ZNF469: variants seen among roughly 807,000 people sequenced by gnomAD.
The protein encoded by ZNF469 is zinc finger protein 469.
ZNF469 carries 1 observed loss-of-function variant against 1.0 expected under a neutral mutation model. That is an observed-to-expected ratio of 1.00 (90% CI 0.35 to 4.73). The LOEUF (loss-of-function observed/expected upper bound fraction) is 4.73, where lower values mean the gene tolerates loss of function less well. ZNF469 is among the 30% of genes most tolerant of loss of function. The probability of loss-of-function intolerance (pLI) is 0.16; values close to 1 mark genes in which losing one functional copy is unlikely to be tolerated. For synonymous variants in ZNF469, 2,703 were observed against 2,363.4 expected, an observed-to-expected ratio of 1.14 and a Z score of -4.17; for missense variants, 6,100 against 5,356.3, an observed-to-expected ratio of 1.14 and a Z score of -4.33.
At chr16:88,318,988 C>G in the ZNF469 span, among the ~76,000 whole-genome samples, 1 of 152,216 alleles carries the variant, frequency 6.6e-6, no homozygotes, top group Admixed American at 6.5e-5. Context: ...ACCTGGGGGT[C>G]AGGACCAGAC....
rs1906812558 is a variant in ZNF469, at chr16:88,439,014, T to C, written c.11544T>C (p.Pro3848=). The C allele has an allele frequency of 4.6e-6, 7 of 1,535,906 alleles. No homozygotes were observed. In the East Asian group the frequency reaches 1.7e-4, roughly 38 times the overall value. ...PSAPDKPPRT[P]RKQATPSRVL... ...CCCCTGACAAGCCCCCCCGGACCCC[T>C]CGGAAGCAGGCAACTCCCAGCCGCG... is the stretch of plus-strand genomic sequence containing the variant. Residue 3848 remains proline, a synonymous_variant, in exon 3 of 3, where the codon CCT becomes CCC. Transcript: ENST00000565624.
chr16:88,437,938 A>G lies in ZNF469; in HGVS notation c.10468A>G (p.Arg3490Gly). The G allele has an allele frequency of 1.3e-6, 2 of 1,542,046 alleles. No individual in the cohort carries two copies. The highest frequency in any genetic ancestry group is 1.7e-6 in the Non-Finnish European group (2 of 1,143,320). Reference sequence around the variant, plus strand: ...CAGTGCCCCTGGGCCCGGCGAGGACAGGCCTCCTCCCCGGGGAAGCAGCCC... The same window carrying G: ...CAGTGCCCCTGGGCCCGGCGAGGACGGGCCTCCTCCCCGGGGAAGCAGCCC... ...PGSAPGPGED[R>G]PPPRGSSPIL... is the part of the protein sequence containing the mutation. Residue 3490 changes from arginine to glycine, a missense_variant, in exon 3 of 3, where the codon AGG becomes GGG. By Grantham distance (125) the Arg-to-Gly change is moderately radical. Transcript: ENST00000565624.
In ZNF469 at chr16:88,434,925, G is replaced by T. The variant is rs529386410; in HGVS notation, c.7455G>T (p.Pro2485=). 1 of 1,550,210 alleles carries T rather than the reference G, an allele frequency of 6.5e-7. No homozygotes were observed. Among genetic ancestry groups the T allele is most frequent in the Non-Finnish European group, 8.7e-7 (1 of 1,146,984 alleles). The change falls in exon 3 of 3, where the codon CCG becomes CCT. Residue 2485 remains proline (P), a synonymous_variant. Transcript: ENST00000565624. ...EVCAASFRSG[P]GLSRHKARKH... ...GCGCAGCCTCCTTCCGCTCCGGGCC[G>T]GGCCTGAGCCGGCACAAGGCCAGGA...
chr16:88,226,925 G>A, the ZNF469 span, among the ~76,000 whole-genome samples: 16 of 152,052 alleles, frequency 1.1e-4, no homozygotes, highest in Admixed American at 4.6e-4. Flanking sequence ...TGTTCCACCC[G>A]GGAAGGATTC....
chr16:88,182,728 A>G, the ZNF469 span, among the ~76,000 whole-genome samples: 1 of 151,418 alleles, frequency 6.6e-6, no homozygotes, highest in South Asian at 2.1e-4. Flanking sequence ...TATACCTTAC[A>G]TTAAATACAA....
chr16:88,349,450 C>G, the ZNF469 span, among the ~76,000 whole-genome samples: 1 of 151,420 alleles, frequency 6.6e-6, no homozygotes, highest in African/African-American at 2.4e-5. Context: ...ACAATACACA[C>G]ACCACACAAG....
In ZNF469 at chr16:88,438,853, G is replaced by A. The variant is rs947447378; in HGVS notation, c.11383G>A (p.Glu3795Lys). 6.5e-7 allele frequency: 1 copy of A among 1,550,326 alleles called. No homozygotes were observed. The stretch of plus-strand genomic sequence containing the variant: ...CAAGAGCTGCACCAAGGGGCCAAGG[G>A]AAGCTGGTGAGCAGGGGCCCCACGG... ...QAKSCTKGPR[E>K]AGEQGPHGSL... Residue 3795 changes from glutamate to lysine, a missense_variant, in exon 3 of 3, where the codon GAA becomes AAA. Coordinates refer to ENST00000565624, the MANE Select transcript of ZNF469 (RefSeq NM_001367624.2).
At chr16:88,221,193 G>A in the ZNF469 span, among the ~76,000 whole-genome samples, 1 of 152,234 alleles carries the variant, frequency 6.6e-6, no homozygotes, top group Admixed American at 6.5e-5. Flanking sequence ...CCAGAGAGAT[G>A]AGGGCTTCGG....
the ZNF469 span, among the ~76,000 whole-genome samples, chr16:88,162,982 T>C: frequency 6.6e-6 from 1 of 152,026 alleles, no homozygotes; most frequent in Non-Finnish European, 1.5e-5. Flanking sequence ...AGGTGTTGGA[T>C]GGATGGGTGG....
At chr16:88,298,403 G>A in the ZNF469 span, among the ~76,000 whole-genome samples, 1 of 152,224 alleles carries the variant, frequency 6.6e-6, no homozygotes, top group Non-Finnish European at 1.5e-5. Flanking sequence ...CCGCCAAGTT[G>A]CTGCTTGTTC....
At chr16:88,302,964 C>T in the ZNF469 span, among the ~76,000 whole-genome samples, 1 of 152,206 alleles carries the variant, frequency 6.6e-6, no homozygotes, top group Non-Finnish European at 1.5e-5. Context: ...GCGTGGAACT[C>T]AGCAGTGCCA....
the ZNF469 span, among the ~76,000 whole-genome samples, chr16:88,124,940 C>G: frequency 6.6e-6 from 1 of 152,170 alleles, no homozygotes; most frequent in East Asian, 1.9e-4. Context: ...CTTTTTGTGT[C>G]CTATCCAAAA....
the ZNF469 span, among the ~76,000 whole-genome samples, chr16:88,326,485 G>A: frequency 3.3e-5 from 5 of 152,266 alleles, no homozygotes; most frequent in African/African-American, 1.2e-4. Flanking sequence ...CACTCTCCAG[G>A]GACTGCAGCT....
rs953014870 is a variant in ZNF469 at position 88,424,170 on chromosome 16, G to A, written c.-191-637G>A. ...CAGCAGCCCAGTGTCCATCCAGACA[G>A]GTCTGGGTGCTCTGCAGCCTGGATG... On this transcript the variant is annotated intron_variant, in intron 1 of 2. Coordinates refer to ENST00000565624, the MANE Select transcript of ZNF469 (RefSeq NM_001367624.2). This position sits in a 1 kb window ranked among gnomAD's most constrained non-coding sequence, Gnocchi z 4.3. 6.6e-6 allele frequency among the ~76,000 whole-genome samples: 1 copy of A among 152,262 alleles called. No individual in the cohort carries two copies. Among genetic ancestry groups the A allele is most frequent in the Non-Finnish European group, 1.5e-5 (1 of 68,050 alleles).
chr16:88,272,914 G>T, the ZNF469 span, among the ~76,000 whole-genome samples: 1 of 148,400 alleles, frequency 6.7e-6, no homozygotes, highest in Non-Finnish European at 1.5e-5. Context: ...GAACGGGTGG[G>T]TGTGTGGATA....
At chr16:88,259,039 C>T in the ZNF469 span, among the ~76,000 whole-genome samples, 2 of 152,250 alleles carry the variant, frequency 1.3e-5, no homozygotes, top group Non-Finnish European at 2.9e-5. This position sits in a 1 kb window ranked among gnomAD's most constrained non-coding sequence, Gnocchi z 4.1. Flanking sequence ...GCCATTTCCT[C>T]TTGACCCAGC....
chr16:88,157,272 C>G, the ZNF469 span, among the ~76,000 whole-genome samples: 14 of 152,250 alleles, frequency 9.2e-5, no homozygotes, highest in East Asian at 1.9e-3. Flanking sequence ...TCCCTGAACA[C>G]TCGGTGCCTG....
At chr16:88,341,643 C>T in the ZNF469 span, among the ~76,000 whole-genome samples, 7 of 152,228 alleles carry the variant, frequency 4.6e-5, no homozygotes, top group African/African-American at 1.4e-4. Flanking sequence ...GCAGGCCCTG[C>T]ACACCTGCAG....
chr16:88,385,777 G>C (rs1345900088), intron 1 of ZNF469, among the ~76,000 whole-genome samples: 1 of 152,146 alleles, frequency 6.6e-6, no homozygotes, highest in African/African-American at 2.4e-5. Flanking sequence ...TGTGGCCTTG[G>C]GTGAGTGACC....
Sources: allele counts gnomAD v4.1 joint callset (sites outside exome capture counted in the v4.1 genomes callset), GRCh38; gene constraint gnomAD v4.1.1; non-coding constraint Gnocchi (gnomAD v3.1); transcripts MANE v1.5; gene names NCBI Gene and HGNC (gene_info 2026-07-23, HGNC 2026-07-21).